MAGI1: variants seen among roughly 807,000 people sequenced by gnomAD.
MAGI1 encodes the protein membrane-associated guanylate kinase, WW and PDZ domain-containing protein 1.
Under a neutral mutation model 139.9 loss-of-function variants are expected in MAGI1, and 58 were observed. The observed-to-expected ratio is 0.41, with a 90% CI of 0.34 to 0.52. The LOEUF is 0.52. MAGI1 is among the 20% of genes least tolerant of loss of function. The pLI is 0.12. For synonymous variants in MAGI1, 812 were observed against 737.9 expected (o/e 1.10, Z -1.63); for missense variants, 1,874 against 1,901.6 (o/e 0.99, Z 0.27).
chr3:65,430,192 C>G (rs752619020), intron 11 of MAGI1, 52 bp from the exon 12 acceptor site: 2 of 1,575,862 alleles, frequency 1.3e-6, no homozygotes, highest in Non-Finnish European at 1.7e-6. Context: ...AGAAAATTGT[C>G]ATCAGTATTA....
intron 14 of MAGI1, among the ~76,000 whole-genome samples, chr3:65,388,370 G>T (rs1943616498): frequency 6.6e-6 from 1 of 152,062 alleles, no homozygotes; most frequent in Non-Finnish European, 1.5e-5. Context: ...AGCTGCTGTT[G>T]CTGACTTCAA....
At chr3:65,667,417 G>C (rs963497087) in intron 1 of MAGI1, among the ~76,000 whole-genome samples, 1 of 152,178 alleles carries the variant, frequency 6.6e-6, no homozygotes, top group Non-Finnish European at 1.5e-5. Flanking sequence ...TACTTTCCAA[G>C]GCCATCAGAG....
At chr3:65,796,147 CG>C (rs1249414214) in intron 1 of MAGI1, among the ~76,000 whole-genome samples, 1 of 152,018 alleles carries the variant, frequency 6.6e-6, no homozygotes, top group African/African-American at 2.4e-5. Context: ...TGGCACAGGC[CG>C]GGGTCCCAGG....
At chr3:65,984,557 T>A (rs1175218081) in intron 1 of MAGI1, among the ~76,000 whole-genome samples, 2 of 149,520 alleles carry the variant, frequency 1.3e-5, no homozygotes, top group South Asian at 2.1e-4. Flanking sequence ...TGTGACAGGG[T>A]CTCACTCTAT....
chr3:65,582,044 T>A (rs558016003), intron 2 of MAGI1, among the ~76,000 whole-genome samples: 1 of 152,224 alleles, frequency 6.6e-6, no homozygotes, highest in Non-Finnish European at 1.5e-5. Flanking sequence ...AAAATGACTG[T>A]TATTTTGTTA....
chr3:65,485,450 C>G (rs928145961), intron 3 of MAGI1, among the ~76,000 whole-genome samples: 2 of 152,152 alleles, frequency 1.3e-5, no homozygotes, highest in Non-Finnish European at 2.9e-5. Flanking sequence ...AGCCTCAGTT[C>G]ACACAGTATA....
chr3:65,675,727 A>T (rs2087148799), intron 1 of MAGI1, among the ~76,000 whole-genome samples: 1 of 152,210 alleles, frequency 6.6e-6, no homozygotes. Context: ...AACAAGACAA[A>T]ATCAAACAAC....
intron 14 of MAGI1, among the ~76,000 whole-genome samples, chr3:65,389,167 C>T (rs1157630784): frequency 6.6e-6 from 1 of 152,108 alleles, no homozygotes; most frequent in African/African-American, 2.4e-5. Context: ...CCGGCTGCCA[C>T]CTGAGCAACT....
chr3:65,564,330 T>A (rs1206896550), intron 2 of MAGI1, among the ~76,000 whole-genome samples: 1 of 152,194 alleles, frequency 6.6e-6, no homozygotes, highest in Non-Finnish European at 1.5e-5. Flanking sequence ...ATGTGCTGCA[T>A]GAATGTCCTG....
At chr3:65,563,945 A>G (rs1035162476) in intron 2 of MAGI1, among the ~76,000 whole-genome samples, 2 of 152,216 alleles carry the variant, frequency 1.3e-5, no homozygotes, top group African/African-American at 4.8e-5. Flanking sequence ...GAAGTAGATA[A>G]TGGTGCCTGG....
intron 1 of MAGI1, among the ~76,000 whole-genome samples, chr3:65,687,070 G>A (rs926443695): frequency 3.3e-5 from 5 of 152,196 alleles, no homozygotes; most frequent in Non-Finnish European, 5.9e-5. Flanking sequence ...TCACGGAAGA[G>A]CAGTACTGAC....
intron 2 of MAGI1, among the ~76,000 whole-genome samples, chr3:65,539,022 A>C (rs2079085285): frequency 6.6e-6 from 1 of 152,022 alleles, no homozygotes; most frequent in Non-Finnish European, 1.5e-5. Context: ...ACCATCAAAC[A>C]GACACACATA....
chr3:65,637,889 G>A (rs1046197753), intron 1 of MAGI1, among the ~76,000 whole-genome samples: 16 of 152,152 alleles, frequency 1.1e-4, no homozygotes, highest in African/African-American at 3.9e-4. Flanking sequence ...CTTGTTTATT[G>A]TCTGTCATCC....
At chr3:65,980,587 T>C (rs1330135628) in intron 1 of MAGI1, among the ~76,000 whole-genome samples, 1 of 141,830 alleles carries the variant, frequency 7.1e-6, no homozygotes, top group Non-Finnish European at 1.5e-5. Flanking sequence ...AAAGGCAAGA[T>C]AGAGAAGTCA....
chr3:65,358,983 A>G (rs976336123), intron 22 of MAGI1: 7 of 1,260,872 alleles, frequency 5.6e-6, no homozygotes, highest in East Asian at 4.6e-5. Context: ...ATTGCCAAAC[A>G]TATCAAAACA....
chr3:65,672,662 C>T (rs2086935400), intron 1 of MAGI1, among the ~76,000 whole-genome samples: 1 of 152,110 alleles, frequency 6.6e-6, no homozygotes, highest in Non-Finnish European at 1.5e-5. Flanking sequence ...GATTATGAAA[C>T]CACAATAGAA....
chr3:65,653,727 C>T (rs1173864725), intron 1 of MAGI1, among the ~76,000 whole-genome samples: 4 of 152,128 alleles, frequency 2.6e-5, no homozygotes, highest in South Asian at 2.1e-4. Flanking sequence ...GGGAGTTAGG[C>T]CAAGGTTATT....
chr3:65,857,969 G>T (rs533343452), intron 1 of MAGI1, among the ~76,000 whole-genome samples: 69 of 152,168 alleles, frequency 4.5e-4, no homozygotes, highest in African/African-American at 1.6e-3. Context: ...TTCTAGCCTG[G>T]TATGGTGCTT....
At chr3:65,943,850 G>A (rs2063433480) in intron 1 of MAGI1, among the ~76,000 whole-genome samples, 1 of 152,140 alleles carries the variant, frequency 6.6e-6, no homozygotes, top group African/African-American at 2.4e-5. Context: ...GCCTTACTTT[G>A]TACACCTTAA....
Sources: gnomAD v4.1 joint callset for allele counts (sites outside exome capture counted in the v4.1 genomes callset) on GRCh38, gnomAD v4.1.1 for gene constraint, MANE v1.5 for transcripts, NCBI Gene and HGNC (gene_info 2026-07-23, HGNC 2026-07-21) for gene names.